The following ERBB4 variants were observed in gnomAD, a reference collection of about 807,000 sequenced individuals.
ERBB4 encodes erb-b2 receptor tyrosine kinase 4, also known as receptor tyrosine-protein kinase erbB-4.
ERBB4 carries 42 observed loss-of-function variants against 158.0 expected under a neutral mutation model. The ratio of observed to expected loss-of-function variants is 0.27; its 90% CI spans 0.21 to 0.34. The LOEUF is 0.34. Ranked by LOEUF, ERBB4 falls within the 10% of genes least tolerant of loss-of-function variation. ERBB4 has a pLI of 1.00. For synonymous variants in ERBB4, 583 were observed against 558.7 expected (o/e 1.04, Z -0.61); for missense variants, 1,333 against 1,624.1 (o/e 0.82, Z 3.08).
rs372384533 is a variant in ERBB4, at chr2:211,570,299, C to G, written c.2302-8211G>C. Among the ~76,000 whole-genome samples the G allele has an allele frequency of 4.5e-4, 67 of 150,484 alleles. 2 individuals carry two copies. In the South Asian group the frequency reaches 0.014, roughly 31 times the overall value. On this transcript the variant is annotated intron_variant, in intron 19 of 27. Coordinates refer to ENST00000342788, the MANE Select transcript of ERBB4 (RefSeq NM_005235.3). ...CCTGAGTAGATGTGATTACAGGCAT[C>G]CGCCACCACACTTGGCTAATTTTTG... is the stretch of plus-strand genomic sequence containing the variant.
In ERBB4 at chr2:211,861,110, T is replaced by TATATA. The variant is rs1331799164; in HGVS notation, c.422-72952_422-72951insTATAT. On this transcript the variant is annotated intron_variant, in intron 3 of 27. Coordinates refer to ENST00000342788, the MANE Select transcript of ERBB4 (RefSeq NM_005235.3). ...AAAATATATAAATACATTATATATA[T>TATATA]TTATATATATATTTTATATATATAT... is the stretch of plus-strand genomic sequence containing the variant. 4.6e-3 allele frequency among the ~76,000 whole-genome samples: 127 copies of TATATA among 27,330 alleles called. 4 individuals are homozygous for TATATA. Among genetic ancestry groups the TATATA allele is most frequent in the African/African-American group, 0.02 (116 of 5,778 alleles). 17.9% of individuals were successfully genotyped at this position (27,330 alleles called of 152,430 possible). A position where few individuals can be genotyped will look rare whatever the true frequency, so the allele number is the denominator to read the frequency against.
intron 1 of ERBB4, among the ~76,000 whole-genome samples, chr2:212,483,337 A>G (rs1332698190): frequency 6.6e-6 from 1 of 152,254 alleles, no homozygotes; most frequent in Non-Finnish European, 1.5e-5. Context: ...GTGAATCCAC[A>G]TCAATCAGAG....
intron 3 of ERBB4, among the ~76,000 whole-genome samples, chr2:211,853,893 G>T (rs1223958635): frequency 6.6e-6 from 1 of 152,084 alleles, no homozygotes; most frequent in East Asian, 1.9e-4. Context: ...GTCATCACCA[G>T]ATGCCACTGT....
At chr2:211,890,434 C>A (rs866013632) in intron 3 of ERBB4, among the ~76,000 whole-genome samples, 5,511 of 151,060 alleles carry the variant, frequency 0.036, 148 homozygotes, top group African/African-American at 0.068. Flanking sequence ...ACAACTGGTA[C>A]CAGCCGCTGC....
At chr2:211,608,001 T>C (rs974512492) in intron 19 of ERBB4, among the ~76,000 whole-genome samples, 1 of 151,180 alleles carries the variant, frequency 6.6e-6, no homozygotes, top group Non-Finnish European at 1.5e-5. Flanking sequence ...GCTGGGACTA[T>C]AGGCATAAGC....
chr2:211,889,410 A>C lies in ERBB4; in HGVS notation c.421+58020T>G, dbSNP rs572858415. Reference sequence around the variant, plus strand: ...GAAAACCCATCTGTACATCACCATCATCAAAGACCAAAAGTAGATAAAACC... The same window carrying C: ...GAAAACCCATCTGTACATCACCATCCTCAAAGACCAAAAGTAGATAAAACC... On this transcript the variant is annotated intron_variant, in intron 3 of 27. Coordinates refer to ENST00000342788, the MANE Select transcript of ERBB4 (RefSeq NM_005235.3). 1.7e-3 allele frequency among the ~76,000 whole-genome samples: 251 copies of C among 146,960 alleles called. 5 individuals carry two copies. Among genetic ancestry groups the C allele is most frequent in the African/African-American group, 6.2e-3 (240 of 38,530 alleles).
At chr2:212,032,985 G>C (rs1221131810) in intron 2 of ERBB4, among the ~76,000 whole-genome samples, 1 of 151,892 alleles carries the variant, frequency 6.6e-6, no homozygotes, top group East Asian at 1.9e-4. Context: ...AACTTAGCAA[G>C]ATGACTAATT....
intron 1 of ERBB4, among the ~76,000 whole-genome samples, chr2:212,315,984 A>T (rs752904674): frequency 2.6e-4 from 39 of 151,516 alleles, no homozygotes; most frequent in Admixed American, 2.0e-4. Flanking sequence ...CACCAAATAT[A>T]TGAGGAAGTA....
intron 2 of ERBB4, among the ~76,000 whole-genome samples, chr2:212,082,140 G>T (rs2078464449): frequency 6.6e-6 from 1 of 152,096 alleles, no homozygotes; most frequent in African/African-American, 2.4e-5. Context: ...TCTCTTGAAA[G>T]AGAATTTTAT....
intron 3 of ERBB4, among the ~76,000 whole-genome samples, chr2:211,837,182 T>A (rs970532539): frequency 2.6e-5 from 4 of 152,256 alleles, no homozygotes; most frequent in Non-Finnish European, 2.9e-5. Flanking sequence ...GATAAATTGT[T>A]GACAGGTTAA....
intron 20 of ERBB4, among the ~76,000 whole-genome samples, chr2:211,478,351 T>G (rs115261236): frequency 0.018 from 2,681 of 152,278 alleles, 44 homozygotes; most frequent in Middle Eastern, 0.048. Context: ...TATAGTTTAA[T>G]GTCTCTATAT....
At chr2:212,120,255 G>A (rs898043801) in intron 2 of ERBB4, among the ~76,000 whole-genome samples, 61 of 152,298 alleles carry the variant, frequency 4.0e-4, no homozygotes, top group African/African-American at 1.5e-3. Flanking sequence ...TGGCATTTGA[G>A]TAGTCAAGAA....
At position 211,851,575 on chromosome 2, in the gene ERBB4, CAT is replaced by C. The variant is rs1402015612; in HGVS notation, c.422-63418_422-63417del. Among the ~76,000 whole-genome samples, 7 of 151,840 alleles carry C rather than the reference CAT, an allele frequency of 4.6e-5. 1 individual carries two copies. Among genetic ancestry groups the C allele is most frequent in the African/African-American group, 1.7e-4 (7 of 41,388 alleles). ...ACAAGTTCTAAAATATGGTAACAAACATATGTAAGTTGAAGAGCATATTTGCT... is the reference window on the plus strand; with the variant it reads ...ACAAGTTCTAAAATATGGTAACAAACATGTAAGTTGAAGAGCATATTTGCT... On this transcript the variant is annotated intron_variant, in intron 3 of 27. Transcript: ENST00000342788.
intron 1 of ERBB4, among the ~76,000 whole-genome samples, chr2:212,410,218 G>A (rs942846870): frequency 6.6e-6 from 1 of 151,652 alleles, no homozygotes; most frequent in Non-Finnish European, 1.5e-5. Context: ...CATTTATGGT[G>A]ACAACTCTGT....
chr2:211,450,446 G>T (rs1384244431), intron 20 of ERBB4, among the ~76,000 whole-genome samples: 1 of 152,198 alleles, frequency 6.6e-6, no homozygotes, highest in Non-Finnish European at 1.5e-5. Flanking sequence ...GTGAAAATGA[G>T]AGTTAAGGGG....
At chr2:212,373,951 CATATATATAT>C (rs1560147223) in intron 1 of ERBB4, among the ~76,000 whole-genome samples, 69 of 35,156 alleles carry the variant, frequency 2.0e-3, no homozygotes, top group Admixed American at 5.3e-3. Flanking sequence ...ATATATATAT[CATATATATAT>C]CCATATATAT....
At chr2:211,572,897 A>G (rs1440292074) in intron 19 of ERBB4, among the ~76,000 whole-genome samples, 1 of 151,744 alleles carries the variant, frequency 6.6e-6, no homozygotes, top group East Asian at 1.9e-4. Context: ...TGTTACCAAC[A>G]CTCCCCTCCT....
intron 1 of ERBB4, among the ~76,000 whole-genome samples, chr2:212,384,532 A>C (rs2090610776): frequency 6.6e-6 from 1 of 151,710 alleles, no homozygotes. Context: ...ATTAGCAGAG[A>C]AACTTATGAA....
chr2:212,131,568 T>C (rs1279225076), intron 1 of ERBB4, among the ~76,000 whole-genome samples: 1 of 152,192 alleles, frequency 6.6e-6, no homozygotes, highest in Non-Finnish European at 1.5e-5. Flanking sequence ...TCCTCATTCC[T>C]TTGAATCAAC....
Sources: gnomAD v4.1 joint callset for allele counts (sites outside exome capture counted in the v4.1 genomes callset) on GRCh38, gnomAD v4.1.1 for gene constraint, MANE v1.5 for transcripts, NCBI Gene and HGNC (gene_info 2026-07-23, HGNC 2026-07-21) for gene names.